Variants in WASF3 observed in about 807,000 individuals in gnomAD.
The protein encoded by WASF3 is WASP family member 3.
A neutral mutation model predicts 46.6 loss-of-function variants in WASF3; 11 were observed. The ratio of observed to expected loss-of-function variants is 0.24; its 90% CI spans 0.15 to 0.39. WASF3 has a LOEUF of 0.39. Among genes scored for constraint, WASF3 ranks in the 10% least tolerant of loss-of-function variants. WASF3 has a pLI of 1.00. For synonymous variants in WASF3, 242 were observed against 259.7 expected (o/e 0.93, Z 0.65); for missense variants, 576 against 669.8 (o/e 0.86, Z 1.55).
chr13:26,563,654 CAAAAAAAA>C (rs34374716), intron 1 of WASF3, among the ~76,000 whole-genome samples: 2 of 47,030 alleles, frequency 4.3e-5, no homozygotes, highest in Admixed American at 6.2e-4. Flanking sequence ...GACTCCATCT[CAAAAAAAA>C]AAAAAAAAAA....
At chr13:26,550,434 G>C in the WASF3 span, among the ~76,000 whole-genome samples, 1 of 152,180 alleles carries the variant, frequency 6.6e-6, no homozygotes, top group Non-Finnish European at 1.5e-5. Context: ...TTCAAAGAGG[G>C]AGGGATGAAG....
At chr13:26,675,134 C>G (rs1383528594) in intron 6 of WASF3, among the ~76,000 whole-genome samples, 3 of 152,090 alleles carry the variant, frequency 2.0e-5, no homozygotes, top group Non-Finnish European at 4.4e-5. Context: ...TATCTTCCCT[C>G]TTTTAATTTG....
At chr13:26,560,125 C>G (rs1481785832) in intron 1 of WASF3, among the ~76,000 whole-genome samples, 1 of 151,774 alleles carries the variant, frequency 6.6e-6, no homozygotes, top group Non-Finnish European at 1.5e-5. Flanking sequence ...GGCCGAATCT[C>G]TCAACTTCTC....
chr13:26,557,818 C>T lies in WASF3; in HGVS notation c.-110C>T, dbSNP rs888534914. 5.0e-5 allele frequency: 15 copies of T among 301,004 alleles called. No homozygotes were observed. Among genetic ancestry groups the T allele is most frequent in the African/African-American group, 3.1e-4 (14 of 44,868 alleles). 18.6% of individuals were successfully genotyped at this position (301,004 alleles called of 1,614,324 possible). ...CGGCGCCGGCGGCGGGACCGCGGAC[C>T]GGTGAGTGAGGGCTGCGGTCGCCCC... is the stretch of plus-strand genomic sequence containing the variant. On this transcript the variant is annotated splice_region_variant and 5_prime_UTR_variant, in exon 1 of 10. Coordinates refer to ENST00000335327, the MANE Select transcript of WASF3 (RefSeq NM_006646.6).
the WASF3 span, among the ~76,000 whole-genome samples, chr13:26,548,327 C>T: frequency 6.6e-6 from 1 of 152,200 alleles, no homozygotes; most frequent in African/African-American, 2.4e-5. Context: ...ATCTCCTTCT[C>T]TTCTTACTTT....
intron 1 of WASF3, chr13:26,577,404 G>A (rs1018742172): frequency 1.7e-5 from 13 of 774,964 alleles, no homozygotes; most frequent in East Asian, 2.4e-5. Context: ...ATCAAGACCC[G>A]GGAGGTGCAG....
At chr13:26,542,182 C>A in the WASF3 span, among the ~76,000 whole-genome samples, 1 of 152,202 alleles carries the variant, frequency 6.6e-6, no homozygotes, top group Non-Finnish European at 1.5e-5. Context: ...ATGAATTGCA[C>A]ACTTAGAATT....
intron 1 of WASF3, among the ~76,000 whole-genome samples, chr13:26,608,979 G>A (rs1880887908): frequency 6.6e-6 from 1 of 152,104 alleles, no homozygotes; most frequent in African/African-American, 2.4e-5. Context: ...AGGTAAGGCT[G>A]GAAAAATAAG....
intron 3 of WASF3, 148 bp downstream of exon 3, chr13:26,642,551 C>T: frequency 2.0e-6 from 2 of 987,302 alleles, no homozygotes; most frequent in Non-Finnish European, 1.4e-6. Flanking sequence ...AAATTGACCA[C>T]TGCACCTGTA....
intron 3 of WASF3, among the ~76,000 whole-genome samples, chr13:26,647,587 AAAG>A (rs1339605008): frequency 6.6e-6 from 1 of 152,162 alleles, no homozygotes; most frequent in East Asian, 1.9e-4. Context: ...ATTTGCTTAA[AAAG>A]GAGATGACAT....
intron 1 of WASF3, among the ~76,000 whole-genome samples, chr13:26,558,684 T>A (rs1879185559): frequency 6.6e-6 from 1 of 152,226 alleles, no homozygotes; most frequent in East Asian, 1.9e-4. Flanking sequence ...TAGGGATCAA[T>A]GGGAGCATCA....
chr13:26,561,743 C>T (rs1879301702), intron 1 of WASF3, among the ~76,000 whole-genome samples: 1 of 152,110 alleles, frequency 6.6e-6, no homozygotes, highest in Non-Finnish European at 1.5e-5. Flanking sequence ...TTAAAAATGT[C>T]TAGATTAGAT....
chr13:26,594,730 C>G (rs531155368), intron 1 of WASF3, among the ~76,000 whole-genome samples: 31 of 152,292 alleles, frequency 2.0e-4, no homozygotes, highest in African/African-American at 7.0e-4. Flanking sequence ...GCTCTGTGTG[C>G]TCTGCCTAGT....
At chr13:26,630,657 T>A (rs1284802329) in intron 2 of WASF3, among the ~76,000 whole-genome samples, 1 of 152,212 alleles carries the variant, frequency 6.6e-6, no homozygotes, top group Non-Finnish European at 1.5e-5. Flanking sequence ...TGATTTACAA[T>A]CCTTTGGGTA....
chr13:26,543,811 T>A, the WASF3 span, among the ~76,000 whole-genome samples: 1 of 152,318 alleles, frequency 6.6e-6, no homozygotes, highest in African/African-American at 2.4e-5. Context: ...CTCTTCTGGT[T>A]TCCATTGGCA....
intron 1 of WASF3, among the ~76,000 whole-genome samples, chr13:26,562,034 G>A (rs1483783014): frequency 1.3e-5 from 2 of 152,136 alleles, no homozygotes; most frequent in African/African-American, 4.8e-5. Context: ...AAGTACTTAC[G>A]TTTTTAACAT....
At chr13:26,565,185 G>GA (rs58508606) in intron 1 of WASF3, among the ~76,000 whole-genome samples, 33,028 of 138,870 alleles carry the variant, frequency 0.24, 4,323 homozygotes, top group African/African-American at 0.32. Flanking sequence ...GTCTCAGAAA[G>GA]AAAAAAAAAA....
At chr13:26,602,616 T>C (rs753866691) in intron 1 of WASF3, among the ~76,000 whole-genome samples, 29 of 152,334 alleles carry the variant, frequency 1.9e-4, no homozygotes, top group Non-Finnish European at 2.9e-4. Context: ...TGAATCTCTT[T>C]GTTATAGTGG....
intron 1 of WASF3, among the ~76,000 whole-genome samples, chr13:26,594,143 C>A (rs1225090091): frequency 6.6e-6 from 1 of 151,990 alleles, no homozygotes; most frequent in Non-Finnish European, 1.5e-5. Context: ...CCTTTTTCTC[C>A]TGGAATTTCA....
Sources: allele counts gnomAD v4.1 joint callset (sites outside exome capture counted in the v4.1 genomes callset), GRCh38; gene constraint gnomAD v4.1.1; transcripts MANE v1.5; gene names NCBI Gene and HGNC (gene_info 2026-07-23, HGNC 2026-07-21).